Variants in SENP7 observed in about 807,000 individuals in gnomAD.
SENP7 encodes sentrin-specific protease 7.
A neutral mutation model predicts 141.2 loss-of-function variants in SENP7; 64 were observed. The ratio of observed to expected loss-of-function variants is 0.45; its 90% CI spans 0.37 to 0.56. The LOEUF (loss-of-function observed/expected upper bound fraction) is 0.56, where lower values mean the gene tolerates loss of function less well. Ranked by LOEUF, SENP7 falls within the 20% of genes least tolerant of loss-of-function variation. The pLI, the probability that SENP7 is intolerant of heterozygous loss-of-function variation, is 0.00. For missense variants in SENP7, 1,025 were observed against 1,212.2 expected, an observed-to-expected ratio of 0.85 and a Z score of 2.29; for synonymous variants, 382 against 426.4, an observed-to-expected ratio of 0.90 and a Z score of 1.28.
intron 4 of SENP7, among the ~76,000 whole-genome samples, chr3:101,442,024 C>T (rs1055813213): frequency 2.0e-5 from 3 of 152,136 alleles, no homozygotes; most frequent in Admixed American, 1.3e-4. Context: ...ATCACAGATA[C>T]ATCTACAGGA....
At chr3:101,396,120 A>G (rs551212562) in intron 6 of SENP7, among the ~76,000 whole-genome samples, 1 of 152,354 alleles carries the variant, frequency 6.6e-6, no homozygotes, top group South Asian at 2.1e-4. Context: ...TTCCAAATAC[A>G]TGAATCAAAT....
At chr3:101,513,003 T>G in intron 1 of SENP7, 88 bp downstream of exon 1, 10 of 1,450,652 alleles carry the variant, frequency 6.9e-6, no homozygotes, top group Non-Finnish European at 9.7e-6. Flanking sequence ...CCCCGCGGCT[T>G]CGGGCCGCAA....
chr3:101,364,654 T>C (rs945910530), intron 10 of SENP7, among the ~76,000 whole-genome samples, 180 bp downstream of exon 10: 1 of 152,234 alleles, frequency 6.6e-6, no homozygotes, highest in Non-Finnish European at 1.5e-5. Flanking sequence ...CATAATCTTT[T>C]CATTTCAAAA....
intron 6 of SENP7, among the ~76,000 whole-genome samples, chr3:101,381,566 T>C (rs920650654): frequency 3.3e-5 from 5 of 152,064 alleles, no homozygotes; most frequent in African/African-American, 1.2e-4. Context: ...TGCATTATTG[T>C]TCAAATTAGG....
At chr3:101,401,410 T>C (rs1440138179) in intron 5 of SENP7, among the ~76,000 whole-genome samples, 1 of 151,554 alleles carries the variant, frequency 6.6e-6, no homozygotes, top group Non-Finnish European at 1.5e-5. Flanking sequence ...GCACCTGCAA[T>C]CCCAGCTACT....
intron 19 of SENP7, among the ~76,000 whole-genome samples, chr3:101,331,129 G>T (rs765709614): frequency 6.4e-4 from 98 of 152,010 alleles, no homozygotes; most frequent in Non-Finnish European, 1.3e-3. Context: ...TTTTAAAATG[G>T]TATAATACTA....
intron 1 of SENP7, among the ~76,000 whole-genome samples, chr3:101,504,459 CA>C (rs869193349): frequency 0.015 from 1,872 of 121,598 alleles, 33 homozygotes; most frequent in African/African-American, 0.044. Context: ...AATTCCATCT[CA>C]AAAAAAAAAA....
intron 6 of SENP7, among the ~76,000 whole-genome samples, chr3:101,379,211 A>C (rs528272295): frequency 6.6e-6 from 1 of 152,316 alleles, no homozygotes; most frequent in East Asian, 1.9e-4. Flanking sequence ...ACCCTTACCT[A>C]ACACCATATA....
chr3:101,358,271 TG>T, intron 11 of SENP7: 1 of 1,070,908 alleles, frequency 9.3e-7, no homozygotes, highest in Non-Finnish European at 1.3e-6. Flanking sequence ...ATGTGAAGAA[TG>T]TGGCAAAGCT....
At chr3:101,420,993 A>T (rs1018504242) in intron 4 of SENP7, among the ~76,000 whole-genome samples, 1 of 152,214 alleles carries the variant, frequency 6.6e-6, no homozygotes, top group Admixed American at 6.5e-5. Context: ...GGCCAAATAG[A>T]TTTAAAAATA....
At chr3:101,413,741 G>T (rs1464379948) in intron 5 of SENP7, among the ~76,000 whole-genome samples, 1 of 151,172 alleles carries the variant, frequency 6.6e-6, no homozygotes, top group African/African-American at 2.4e-5. Flanking sequence ...AAGGGAGGGG[G>T]GGGATAGTTT....
At chr3:101,437,419 C>T (rs1279526633) in intron 4 of SENP7, among the ~76,000 whole-genome samples, 1 of 151,922 alleles carries the variant, frequency 6.6e-6, no homozygotes, top group Non-Finnish European at 1.5e-5. Context: ...GGATGGATAC[C>T]CCATTCTCCA....
At chr3:101,494,910 A>G (rs1401468133) in intron 2 of SENP7, among the ~76,000 whole-genome samples, 1 of 152,244 alleles carries the variant, frequency 6.6e-6, no homozygotes, top group Non-Finnish European at 1.5e-5. Flanking sequence ...CAAAAATGCC[A>G]AAAGCAATTG....
chr3:101,444,319 TG>T (rs1400546993), intron 4 of SENP7, among the ~76,000 whole-genome samples: 1 of 151,626 alleles, frequency 6.6e-6, no homozygotes, highest in African/African-American at 2.4e-5. Flanking sequence ...TCAACCACTG[TG>T]GAAGTCAGTG....
Position 101,327,804 on chromosome 3 carries a change from T to G in SENP7, c.2877A>C (p.Val959=). The change falls in exon 23 of 24, where the codon GTA becomes GTC. Residue 959 remains valine (V), a synonymous_variant. Transcript: ENST00000394095. The stretch of plus-strand genomic sequence containing the variant: ...GAGTTTTTAGTTTAACTTCCCACTC[T>G]ACCTCTAAATACCTGAAATAATCAA... ...TVQNLREYLE[V]EWEVKLKTHR... 6.3e-7 allele frequency: 1 copy of G among 1,599,164 alleles called. No homozygotes were observed. The highest frequency in any genetic ancestry group is 8.6e-7 in the Non-Finnish European group (1 of 1,168,964).
rs577952452 is a variant in SENP7, at chr3:101,432,811, G to A, written c.285-15021C>T. 1.2e-3 allele frequency among the ~76,000 whole-genome samples: 177 copies of A among 152,238 alleles called. 4 individuals carry two copies. The highest frequency in any genetic ancestry group is 0.011 in the Admixed American group (175 of 15,294). On this transcript the variant is annotated intron_variant, in intron 4 of 23. Coordinates refer to ENST00000394095, the MANE Select transcript of SENP7 (RefSeq NM_020654.5). Reference sequence around the variant, plus strand: ...GCCTTCCCAAAAAGGATGGCTACAAGTAAGCACAGATAGAGAAGACTACAA... The same window carrying A: ...GCCTTCCCAAAAAGGATGGCTACAAATAAGCACAGATAGAGAAGACTACAA...
chr3:101,340,512 T>C (rs1306699281), intron 15 of SENP7: 6 of 225,754 alleles, frequency 2.7e-5, no homozygotes, highest in Non-Finnish European at 4.2e-5. Context: ...AGTTATACCA[T>C]TGAAGATGTT....
At position 101,457,346 on chromosome 3, in the gene SENP7, T is replaced by C; in HGVS notation, c.284+1609A>G. ...CAAGTGGTGCTTTTCCATCCATGGA[T>C]TGTTTGGGCAAAGCTTCAGCCAGTC... On this transcript the variant is annotated intron_variant, in intron 4 of 23. Transcript: ENST00000394095. 3.6e-6 allele frequency: 5 copies of C among 1,392,512 alleles called. No homozygotes were observed. The African/African-American group carries it at 4.3e-5, about 12-fold the overall frequency. The allele number at this position is 1,392,512 out of a possible 1,614,324, so 86.3% of individuals were successfully genotyped here. A position where few individuals can be genotyped will look rare whatever the true frequency, so the allele number is the denominator to read the frequency against.
At position 101,414,316 on chromosome 3, in the gene SENP7, C is replaced by T. The variant is rs138526108; in HGVS notation, c.482+3277G>A. 1.3e-5 allele frequency: 10 copies of T among 747,900 alleles called. No homozygotes were observed. In the African/African-American group the frequency reaches 1.4e-4, roughly 10 times the overall value. 46.3% of individuals were successfully genotyped at this position (747,900 alleles called of 1,614,324 possible). On this transcript the variant is annotated intron_variant, in intron 5 of 23. Transcript: ENST00000394095. ...CCGGAAGATGCAGGGTCTCATGTTCCGGTGCAGCACCAGCTGCTGTGAGGA... is the reference window on the plus strand; with the variant it reads ...CCGGAAGATGCAGGGTCTCATGTTCTGGTGCAGCACCAGCTGCTGTGAGGA...
Sources: gnomAD v4.1 joint callset for allele counts (sites outside exome capture counted in the v4.1 genomes callset) on GRCh38, gnomAD v4.1.1 for gene constraint, MANE v1.5 for transcripts, NCBI Gene and HGNC (gene_info 2026-07-23, HGNC 2026-07-21) for gene names.